The following PRICKLE1 variants were observed in gnomAD, a reference collection of about 807,000 sequenced individuals.
PRICKLE1 encodes the protein prickle-like protein 1.
Under a neutral mutation model 70.2 loss-of-function variants are expected in PRICKLE1, and 14 were observed. The observed-to-expected ratio is 0.20, with a 90% CI of 0.13 to 0.31. The LOEUF is 0.31. PRICKLE1 is among the 10% of genes least tolerant of loss of function. The pLI is 1.00. For missense variants in PRICKLE1, 821 were observed against 1,026.2 expected (o/e 0.80, Z 2.73); for synonymous variants, 357 against 379.9 (o/e 0.94, Z 0.70).
intron 1 of PRICKLE1, among the ~76,000 whole-genome samples, chr12:42,521,465 C>T (rs1030640719): frequency 2.6e-5 from 4 of 151,880 alleles, no homozygotes; most frequent in Non-Finnish European, 5.9e-5. Flanking sequence ...TTTGGGAGGC[C>T]GAGGTGGGAG....
intron 1 of PRICKLE1, among the ~76,000 whole-genome samples, chr12:42,561,911 T>TTTC (rs1566127568): frequency 7.2e-5 from 10 of 139,338 alleles, no homozygotes; most frequent in Non-Finnish European, 1.5e-5. Flanking sequence ...TTTTCTTTTT[T>TTTC]TTTTTTTTTT....
At chr12:42,503,910 G>A (rs1042832450) in intron 1 of PRICKLE1, among the ~76,000 whole-genome samples, 3 of 152,102 alleles carry the variant, frequency 2.0e-5, no homozygotes, top group Non-Finnish European at 4.4e-5. Context: ...AGCGGGTTCT[G>A]GTTATTTAGT....
At chr12:42,582,722 G>A (rs749066824) in intron 1 of PRICKLE1, among the ~76,000 whole-genome samples, 1 of 152,216 alleles carries the variant, frequency 6.6e-6, no homozygotes, top group East Asian at 1.9e-4. Flanking sequence ...CCCACGGACC[G>A]TGGGCCACAT....
chr12:42,523,363 T>C (rs1394329272), intron 1 of PRICKLE1, among the ~76,000 whole-genome samples: 1 of 152,258 alleles, frequency 6.6e-6, no homozygotes, highest in Non-Finnish European at 1.5e-5. Flanking sequence ...CAAGTTTACA[T>C]AGGGGCAACT....
At chr12:42,571,473 T>G (rs1371437901) in intron 1 of PRICKLE1, among the ~76,000 whole-genome samples, 1 of 152,136 alleles carries the variant, frequency 6.6e-6, no homozygotes, top group Non-Finnish European at 1.5e-5. Context: ...TTAAAGCTGG[T>G]GAGGGGTGGA....
chr12:42,554,099 T>C (rs10785346), intron 1 of PRICKLE1, among the ~76,000 whole-genome samples: 149,036 of 152,304 alleles, frequency 0.98, 72,997 homozygotes, highest in Middle Eastern at 1. Context: ...AGTGAGACTC[T>C]GTCTCAAAAC....
intron 1 of PRICKLE1, among the ~76,000 whole-genome samples, chr12:42,498,953 C>T (rs1939257256): frequency 6.6e-6 from 1 of 152,236 alleles, no homozygotes; most frequent in African/African-American, 2.4e-5. Context: ...TGCTCCAGAA[C>T]TCTCCATCAG....
At chr12:42,463,969 T>C (rs189479320) in intron 7 of PRICKLE1, among the ~76,000 whole-genome samples, 316 of 152,288 alleles carry the variant, frequency 2.1e-3, no homozygotes, top group Non-Finnish European at 3.9e-3. Flanking sequence ...TTAAGTGAGG[T>C]TCCTTCCTTC....
In PRICKLE1 at chr12:42,459,530, T is replaced by C. The variant is rs1477697276; in HGVS notation, c.*279A>G. The C allele has an allele frequency of 1.6e-6, 1 of 621,012 alleles. No individual in the cohort carries two copies. Among genetic ancestry groups the C allele is most frequent in the African/African-American group, 1.8e-5 (1 of 54,314 alleles). 38.5% of individuals were successfully genotyped at this position (621,012 alleles called of 1,614,324 possible). On this transcript the variant is annotated 3_prime_UTR_variant, in exon 8 of 8. Coordinates refer to ENST00000345127, the MANE Select transcript of PRICKLE1 (RefSeq NM_153026.3). ...TCAGTCAGCATCTTCAGTATTCCCTTGAGGACTGGAAAACCAAAGCAGCTA... is the reference window on the plus strand; with the variant it reads ...TCAGTCAGCATCTTCAGTATTCCCTCGAGGACTGGAAAACCAAAGCAGCTA...
At chr12:42,491,196 C>T (rs779996356) in intron 1 of PRICKLE1, among the ~76,000 whole-genome samples, 1 of 151,614 alleles carries the variant, frequency 6.6e-6, no homozygotes, top group African/African-American at 2.4e-5. Context: ...ACTTTATCTT[C>T]CTGTTGATAT....
Position 42,466,233 on chromosome 12 carries a change from G to A in PRICKLE1, c.736C>T (p.Leu246Phe). The change falls in exon 6 of 8, where the codon CTC (leucine) becomes TTC (phenylalanine). Residue 246 changes from leucine to phenylalanine, a missense_variant. Coordinates refer to ENST00000345127, the MANE Select transcript of PRICKLE1 (RefSeq NM_153026.3). Reference sequence around the variant, plus strand: ...CAGGTTTCACAGTACTCCGCATAGAGAGACTCAAAACAGCCACAGCAGAAG... The same window carrying A: ...CAGGTTTCACAGTACTCCGCATAGAAAGACTCAAAACAGCCACAGCAGAAG... The part of the protein sequence containing the change: ...RPFCCGCFES[L>F]YAEYCETCGE... 2 of 1,614,210 alleles carry A rather than the reference G, an allele frequency of 1.2e-6. No homozygotes were observed. The highest frequency in any genetic ancestry group is 1.7e-6 in the Non-Finnish European group (2 of 1,180,060).
rs1460972014 is a variant in PRICKLE1, at chr12:42,483,757, C to T, written c.-48-11193G>A. 1 of 151,552 alleles carries T rather than the reference C, an allele frequency of 6.6e-6. No homozygotes were observed. The highest frequency in any genetic ancestry group is 1.5e-5 in the Non-Finnish European group (1 of 67,872). The allele number at this position is 151,552 out of a possible 1,614,324, so 9.4% of individuals were successfully genotyped here. A position where few individuals can be genotyped will look rare whatever the true frequency, so the allele number is the denominator to read the frequency against. On this transcript the variant is annotated intron_variant, in intron 1 of 7. Coordinates refer to ENST00000345127, the MANE Select transcript of PRICKLE1 (RefSeq NM_153026.3). ...TGGCGGCGCAGCGCGGCGATCCTCA[C>T]CCGCTGCAGCCCCTCAGCAGCCGTG...
chr12:42,519,001 G>T (rs1040393200), intron 1 of PRICKLE1, among the ~76,000 whole-genome samples: 1 of 152,042 alleles, frequency 6.6e-6, no homozygotes, highest in East Asian at 1.9e-4. Context: ...TTATTTAGGA[G>T]AGTCAGACCT....
intron 1 of PRICKLE1, among the ~76,000 whole-genome samples, chr12:42,558,082 C>T (rs1940442222): frequency 1.3e-5 from 2 of 152,078 alleles, no homozygotes; most frequent in African/African-American, 4.8e-5. Context: ...TGGATAAAGG[C>T]ATGTCTACAC....
intron 1 of PRICKLE1, among the ~76,000 whole-genome samples, chr12:42,551,895 A>G (rs1940323650): frequency 6.6e-6 from 1 of 152,134 alleles, no homozygotes; most frequent in Non-Finnish European, 1.5e-5. Flanking sequence ...CACCTCAACC[A>G]AAAAACAAAA....
In PRICKLE1 at chr12:42,464,321, T is replaced by G; in HGVS notation, c.1639+74A>C. The G allele has an allele frequency of 6.3e-7, 1 of 1,594,616 alleles. No homozygotes were observed. The highest frequency in any genetic ancestry group is 8.6e-7 in the Non-Finnish European group (1 of 1,163,734). Reference sequence around the variant, plus strand: ...TAGGCATGAGCCACTGCGCCTGGCTTGAATTGCAATTTTTTGAATACACTT... The same window carrying G: ...TAGGCATGAGCCACTGCGCCTGGCTGGAATTGCAATTTTTTGAATACACTT... On this transcript the variant is annotated intron_variant, in intron 7 of 7. Coordinates refer to ENST00000345127, the MANE Select transcript of PRICKLE1 (RefSeq NM_153026.3). The surrounding 1 kb of genome is among the most constrained non-coding windows in gnomAD (Gnocchi z 4.2).
In PRICKLE1 at chr12:42,519,193, C is replaced by CTT. The variant is rs11342397; in HGVS notation, c.-48-46631_-48-46630dup. Among the ~76,000 whole-genome samples, 865 of 99,150 alleles carry CTT rather than the reference C, an allele frequency of 8.7e-3. 31 individuals are homozygous for CTT. The highest frequency in any genetic ancestry group is 0.025 in the Middle Eastern group (3 of 122). 65.0% of individuals were successfully genotyped at this position (99,150 alleles called of 152,430 possible). A position where few individuals can be genotyped will look rare whatever the true frequency, so the allele number is the denominator to read the frequency against. On this transcript the variant is annotated intron_variant, in intron 1 of 7. Transcript: ENST00000345127. The stretch of plus-strand genomic sequence containing the variant: ...TACTGAATTTCCTTTCCTTTTTTTC[C>CTT]TTTTTTTTTTTTTTTTTTTTGAGAT...
intron 1 of PRICKLE1, among the ~76,000 whole-genome samples, chr12:42,498,787 AC>A (rs1684198138): frequency 6.6e-6 from 1 of 152,052 alleles, no homozygotes; most frequent in African/African-American, 2.4e-5. Flanking sequence ...GGTAGTTTCC[AC>A]CCATATGTTT....
At chr12:42,468,896 CT>C in intron 4 of PRICKLE1, 67 bp from the exon 5 acceptor site, 1 of 1,480,178 alleles carries the variant, frequency 6.8e-7, no homozygotes, top group Non-Finnish European at 9.3e-7. Context: ...GGCTTTCCTA[CT>C]TTAGGATAAA....
Sources: gnomAD v4.1 joint callset for allele counts (sites outside exome capture counted in the v4.1 genomes callset) on GRCh38, gnomAD v4.1.1 for gene constraint, Gnocchi (gnomAD v3.1) non-coding constraint, MANE v1.5 for transcripts, NCBI Gene and HGNC (gene_info 2026-07-23, HGNC 2026-07-21) for gene names.